Variants in CSNK1E observed in about 807,000 individuals in gnomAD.
CSNK1E encodes the protein casein kinase I isoform epsilon.
In CSNK1E, 17 loss-of-function variants were observed where a neutral mutation model predicts 46.1. That is an observed-to-expected ratio of 0.37 (90% CI 0.25 to 0.55). The LOEUF is 0.55. CSNK1E is among the 20% of genes least tolerant of loss of function. The pLI is 0.82. For synonymous variants in CSNK1E, 241 were observed against 242.6 expected (o/e 0.99, Z 0.06); for missense variants, 386 against 595.4 (o/e 0.65, Z 3.66).
At chr22:38,314,987 C>T (rs1266716466) in intron 1 of CSNK1E, among the ~76,000 whole-genome samples, 3 of 152,286 alleles carry the variant, frequency 2.0e-5, no homozygotes, top group South Asian at 4.1e-4. Flanking sequence ...GCAGTGCTGC[C>T]GTGGGGACAG....
At position 38,302,962 on chromosome 22, in the gene CSNK1E, C is replaced by G; in HGVS notation, c.235G>C (p.Val79Leu). ...GGCCCCAGCAGCTCCATGACCATCACGTTGTAGTCGCCCTCAGCTCCGCAC... is the reference window on the plus strand; with the variant it reads ...GGCCCCAGCAGCTCCATGACCATCAGGTTGTAGTCGCCCTCAGCTCCGCAC... Reference protein sequence around the residue: ...KWCGAEGDYNVMVMELLGPSL... With the variant: ...KWCGAEGDYNLMVMELLGPSL... Residue 79 changes from valine (V) to leucine (L), a missense_variant, in exon 4 of 11, where the codon GTG (valine) becomes CTG (leucine). Physicochemically the swap from Val to Leu is conservative, Grantham distance 32. This residue lies in a region of CSNK1E where 212 missense variants were observed against 410.2 expected (regional missense o/e 0.52). Transcript: ENST00000396832. The G allele has an allele frequency of 6.2e-7, 1 of 1,614,128 alleles. No individual in the cohort carries two copies. The highest frequency in any genetic ancestry group is 8.5e-7 in the Non-Finnish European group (1 of 1,180,022).
intron 2 of CSNK1E, among the ~76,000 whole-genome samples, chr22:38,310,402 A>G (rs2092715896): frequency 1.3e-5 from 2 of 152,104 alleles, no homozygotes; most frequent in African/African-American, 4.8e-5. Context: ...TGACACCTAC[A>G]CAGACACATG....
chr22:38,317,282 A>AGCCGCCGCC lies in CSNK1E; in HGVS notation c.-144_-136dup, dbSNP rs552795135. On this transcript the variant is annotated 5_prime_UTR_variant, in exon 1 of 11. Transcript: ENST00000396832. The stretch of plus-strand genomic sequence containing the variant: ...CCGGCGCGCCAGCCTCTCCCGGCCC[A>AGCCGCCGCC]GCCGCCGCCGCCGCCGCCGCCGCCG... 3.3e-4 allele frequency: 48 copies of AGCCGCCGCC among 146,942 alleles called. No individual in the cohort carries two copies. Among genetic ancestry groups the AGCCGCCGCC allele is most frequent in the South Asian group, 5.7e-4 (3 of 5,224 alleles). 9.1% of individuals were successfully genotyped at this position (146,942 alleles called of 1,614,324 possible).
At chr22:38,293,829 G>A in intron 9 of CSNK1E, 1 of 508,306 alleles carries the variant, frequency 2.0e-6, no homozygotes. Flanking sequence ...AGCCCCTGCT[G>A]CCCACCCTGG....
intron 6 of CSNK1E, 96 bp from the exon 7 acceptor site, chr22:38,299,030 G>T: frequency 7.2e-7 from 1 of 1,384,132 alleles, no homozygotes; most frequent in Non-Finnish European, 1.0e-6. Context: ...ACTGTCCCTA[G>T]ATACTTCCAA....
chr22:38,299,576 T>G (rs1022400445), intron 6 of CSNK1E, among the ~76,000 whole-genome samples: 1 of 152,148 alleles, frequency 6.6e-6, no homozygotes, highest in Admixed American at 6.5e-5. Flanking sequence ...CAGACTGGAG[T>G]GCAATGGTGC....
In CSNK1E at chr22:38,298,769, G is replaced by A; in HGVS notation, c.885+17C>T. 6.2e-7 allele frequency: 1 copy of A among 1,613,776 alleles called. No homozygotes were observed. ...CATCCAGTCCCCCAAGCCCGCCTTG[G>A]CCTCCAGGTGACTCACGAATTTCAG... On this transcript the variant is annotated intron_variant, in intron 7 of 10. Transcript: ENST00000396832. This position sits in a 1 kb window ranked among gnomAD's most constrained non-coding sequence, Gnocchi z 4.2.
chr22:38,303,482 C>T lies in CSNK1E; in HGVS notation c.77-234G>A, dbSNP rs931476402. ...GGTGACACACAAGGGCTACCCAGGG[C>T]CACAGGTTGGGGCGACAAGAAGGCC... On this transcript the variant is annotated intron_variant, in intron 2 of 10. Transcript: ENST00000396832. This position sits in a 1 kb window ranked among gnomAD's most constrained non-coding sequence, Gnocchi z 4.7. Among the ~76,000 whole-genome samples, 15 of 152,178 alleles carry T rather than the reference C, an allele frequency of 9.9e-5. No homozygotes were observed. Among genetic ancestry groups the T allele is most frequent in the African/African-American group, 3.6e-4 (15 of 41,434 alleles).
chr22:38,298,598 TG>T lies in CSNK1E; in HGVS notation c.885+187del. 1 of 656,256 alleles carries T rather than the reference TG, an allele frequency of 1.5e-6. No homozygotes were observed. Among genetic ancestry groups the T allele is most frequent in the Non-Finnish European group, 2.6e-6 (1 of 384,436 alleles). 40.7% of individuals were successfully genotyped at this position (656,256 alleles called of 1,614,324 possible). ...CGCCCTGCCTGGGCCCTGCTGCCCA[TG>T]GTGGCACAAGCTGTCAGCACGGATG... On this transcript the variant is annotated intron_variant, in intron 7 of 10. Transcript: ENST00000396832. This position sits in a 1 kb window ranked among gnomAD's most constrained non-coding sequence, Gnocchi z 4.2.
intron 1 of CSNK1E, among the ~76,000 whole-genome samples, chr22:38,314,410 G>A (rs945839259): frequency 1.3e-5 from 2 of 152,200 alleles, no homozygotes; most frequent in Non-Finnish European, 2.9e-5. Flanking sequence ...GTCTTTGGGG[G>A]ATGCTCATTC....
At position 38,294,625 on chromosome 22, in the gene CSNK1E, G is replaced by A. The variant is rs181078985; in HGVS notation, c.886-91C>T. On this transcript the variant is annotated intron_variant, in intron 7 of 10. Transcript: ENST00000396832. The surrounding 1 kb of genome is among the most constrained non-coding windows in gnomAD (Gnocchi z 5.5). ...CTGCAGGGCACAGAAGGGGAGGGAG[G>A]CCAGGTGGATATCTCAGAAACCTTC... is the stretch of plus-strand genomic sequence containing the variant. The A allele has an allele frequency of 2.1e-4, 269 of 1,257,262 alleles. No individual in the cohort carries two copies. The African/African-American group carries it at 3.7e-3, about 17-fold the overall frequency. The allele number at this position is 1,257,262 out of a possible 1,614,324, so 77.9% of individuals were successfully genotyped here.
chr22:38,315,148 T>A (rs1203858594), intron 1 of CSNK1E, among the ~76,000 whole-genome samples: 1 of 152,214 alleles, frequency 6.6e-6, no homozygotes, highest in East Asian at 1.9e-4. Flanking sequence ...TGGTACAGCC[T>A]CGCCGAGGAC....
intron 2 of CSNK1E, among the ~76,000 whole-genome samples, chr22:38,311,920 T>C (rs1169573165): frequency 6.6e-6 from 1 of 151,302 alleles, no homozygotes; most frequent in Non-Finnish European, 1.5e-5. Flanking sequence ...TTCTTCCGCC[T>C]CAGCCTCCAG....
Position 38,293,450 on chromosome 22 carries a change from C to G in CSNK1E, c.1219-131G>C, listed in dbSNP as rs534142336. 9.6e-6 allele frequency: 6 copies of G among 626,180 alleles called. No individual in the cohort carries two copies. In the South Asian group the frequency reaches 1.1e-4, roughly 12 times the overall value. The allele number at this position is 626,180 out of a possible 1,614,324, so 38.8% of individuals were successfully genotyped here. A position where few individuals can be genotyped will look rare whatever the true frequency, so the allele number is the denominator to read the frequency against. On this transcript the variant is annotated intron_variant, in intron 9 of 10. Coordinates refer to ENST00000396832, the MANE Select transcript of CSNK1E (RefSeq NM_152221.3). ...CACTGAGGAGGTGTACCCCCACCCC[C>G]ACCTCCAGGCAGCCCCTCAAGCTGA...
At chr22:38,306,282 G>C (rs537994434) in intron 2 of CSNK1E, among the ~76,000 whole-genome samples, 1 of 152,138 alleles carries the variant, frequency 6.6e-6, no homozygotes, top group African/African-American at 2.4e-5. Flanking sequence ...AGGAAGGGGT[G>C]GGGGACGCTT....
chr22:38,293,833 A>C, intron 9 of CSNK1E: 1 of 508,916 alleles, frequency 2.0e-6, no homozygotes, highest in Non-Finnish European at 3.5e-6. Context: ...CCTGCTGCCC[A>C]CCCTGGCTGG....
chr22:38,315,731 G>A (rs982913887), intron 1 of CSNK1E, among the ~76,000 whole-genome samples: 11 of 151,742 alleles, frequency 7.2e-5, no homozygotes, highest in Non-Finnish European at 1.5e-4. Flanking sequence ...AAACCCGCAG[G>A]TTAGGAAAGG....
Position 38,314,153 on chromosome 22 carries a change from T to G in CSNK1E, c.5A>C (p.Glu2Ala). 1 of 1,613,870 alleles carries G rather than the reference T, an allele frequency of 6.2e-7. No individual in the cohort carries two copies. Among genetic ancestry groups the G allele is most frequent in the Non-Finnish European group, 8.5e-7 (1 of 1,179,852 alleles). M[E>A]LRVGNKYRLG... ...GCGGTACTTGTTCCCCACACGTAGC[T>G]CCATGGCTCACTCTTGCTGCAGAGG... Residue 2 changes from glutamate to alanine, a missense_variant, in exon 2 of 11, where the codon GAG becomes GCG. Physicochemically the swap from Glu to Ala is moderately radical, Grantham distance 107 (BLOSUM62 -1). Transcript: ENST00000396832.
intron 7 of CSNK1E, chr22:38,295,426 G>C: frequency 3.0e-6 from 3 of 983,962 alleles, no homozygotes; most frequent in Non-Finnish European, 3.6e-6. Context: ...AGGGCAGGGG[G>C]CTGGCAGGAA....
Sources: gnomAD v4.1 joint callset for allele counts (sites outside exome capture counted in the v4.1 genomes callset) on GRCh38, gnomAD v4.1.1 for gene constraint, gnomAD v4.1.1 regional missense constraint, Gnocchi (gnomAD v3.1) non-coding constraint, MANE v1.5 for transcripts, NCBI Gene and HGNC (gene_info 2026-07-23, HGNC 2026-07-21) for gene names.